Variants in GRM7 observed in about 807,000 individuals in gnomAD.
GRM7 encodes glutamate metabotropic receptor 7, also known as metabotropic glutamate receptor 7.
Under a neutral mutation model 84.5 loss-of-function variants are expected in GRM7, and 35 were observed. That is an observed-to-expected ratio of 0.41 (90% CI 0.32 to 0.55). The LOEUF is 0.55. Ranked by LOEUF, GRM7 falls within the 20% of genes least tolerant of loss-of-function variation. The pLI, the probability that GRM7 is intolerant of heterozygous loss-of-function variation, is 0.19. For missense variants in GRM7, 1,003 were observed against 1,194.6 expected (o/e 0.84, Z 2.36); for synonymous variants, 487 against 455.1 (o/e 1.07, Z -0.89).
At chr3:7,091,133 G>C (rs945987449) in intron 1 of GRM7, among the ~76,000 whole-genome samples, 8 of 151,414 alleles carry the variant, frequency 5.3e-5, no homozygotes, top group African/African-American at 1.7e-4. Flanking sequence ...AAATTCTTTA[G>C]CTCTGCAGAA....
intron 2 of GRM7, among the ~76,000 whole-genome samples, chr3:7,167,973 CAAAAAAAAAAAAAAAAAA>C (rs60681836): frequency 1.3e-4 from 7 of 54,610 alleles, no homozygotes; most frequent in South Asian, 1.2e-3. Flanking sequence ...GACTCTGTCT[CAAAAAAAAAAAAAAAAAA>C]AAAAAAAAAA....
chr3:7,400,353 A>G (rs1387998113), intron 4 of GRM7, among the ~76,000 whole-genome samples: 2 of 152,186 alleles, frequency 1.3e-5, no homozygotes, highest in African/African-American at 2.4e-5. Flanking sequence ...CCTCAAATGC[A>G]GCTATTATCA....
At chr3:7,193,186 G>GTTT (rs1559495357) in intron 2 of GRM7, among the ~76,000 whole-genome samples, 1 of 152,060 alleles carries the variant, frequency 6.6e-6, no homozygotes, top group African/African-American at 2.4e-5. Flanking sequence ...TTCTTTAAGG[G>GTTT]ATAAATGGGT....
chr3:7,309,198 C>G (rs571682312), intron 4 of GRM7, among the ~76,000 whole-genome samples: 2 of 152,228 alleles, frequency 1.3e-5, no homozygotes, highest in Admixed American at 6.5e-5. Context: ...TCGTAGCAGA[C>G]AGAACATTAA....
intron 1 of GRM7, among the ~76,000 whole-genome samples, chr3:7,117,239 C>T (rs1693066782): frequency 1.3e-5 from 2 of 152,130 alleles, no homozygotes; most frequent in South Asian, 2.1e-4. Context: ...ATTCCCACCA[C>T]CTCATGAGTC....
intron 1 of GRM7, among the ~76,000 whole-genome samples, chr3:6,867,519 G>T (rs1030538112): frequency 6.6e-6 from 1 of 152,066 alleles, no homozygotes; most frequent in Admixed American, 6.6e-5. Flanking sequence ...ATCTTTTGTT[G>T]ATATCCCCAG....
intron 4 of GRM7, among the ~76,000 whole-genome samples, chr3:7,360,869 CT>C (rs529630551): frequency 6.6e-6 from 1 of 152,178 alleles, no homozygotes; most frequent in Admixed American, 6.5e-5. Context: ...CCTTTATTCT[CT>C]TTTTTTCCTG....
In GRM7 at chr3:7,466,730, A is replaced by G. The variant is rs966808626; in HGVS notation, c.1515+5008A>G. Among the ~76,000 whole-genome samples, 3 of 152,216 alleles carry G rather than the reference A, an allele frequency of 2.0e-5. No homozygotes were observed. The East Asian group carries it at 5.8e-4, about 29-fold the overall frequency. On this transcript the variant is annotated intron_variant, in intron 7 of 9. Coordinates refer to ENST00000357716, the MANE Select transcript of GRM7 (RefSeq NM_000844.4). The stretch of plus-strand genomic sequence containing the variant: ...CTCTTAAATAGAAGACTGAATGAAT[A>G]TTATTTCCTCTTTTCTGGATAACTG...
At chr3:7,128,085 T>C (rs1693461321) in intron 1 of GRM7, among the ~76,000 whole-genome samples, 1 of 151,272 alleles carries the variant, frequency 6.6e-6, no homozygotes, top group Non-Finnish European at 1.5e-5. Context: ...GTATTATAGA[T>C]TACTCATAAT....
In GRM7 at chr3:7,068,229, C is replaced by A. The variant is rs1479083250; in HGVS notation, c.520-78223C>A. Reference sequence around the variant, plus strand: ...CCTTTCTAAATCACCAGTGGAACAACTGAGCAAAGGAAAAATGATAGCTAT... The same window carrying A: ...CCTTTCTAAATCACCAGTGGAACAAATGAGCAAAGGAAAAATGATAGCTAT... On this transcript the variant is annotated intron_variant, in intron 1 of 9. Transcript: ENST00000357716. Among the ~76,000 whole-genome samples the A allele has an allele frequency of 2.0e-5, 3 of 150,842 alleles. No individual in the cohort carries two copies. In the East Asian group the frequency reaches 5.9e-4, roughly 29 times the overall value.
At chr3:7,568,148 G>C (rs1384025575) in intron 7 of GRM7, among the ~76,000 whole-genome samples, 1 of 152,186 alleles carries the variant, frequency 6.6e-6, no homozygotes, top group Non-Finnish European at 1.5e-5. Context: ...CCTTGATGGG[G>C]CTCAGAACTT....
intron 1 of GRM7, among the ~76,000 whole-genome samples, chr3:7,072,716 G>A (rs976659489): frequency 2.0e-5 from 3 of 151,986 alleles, no homozygotes; most frequent in Non-Finnish European, 2.9e-5. Context: ...ATAAGATAAA[G>A]GTCTCACTTC....
At chr3:6,898,451 A>C (rs1019612388) in intron 1 of GRM7, among the ~76,000 whole-genome samples, 19 of 151,798 alleles carry the variant, frequency 1.3e-4, no homozygotes, top group Non-Finnish European at 2.6e-4. Context: ...GAAACAGTGA[A>C]TGTTCTGTGT....
chr3:7,086,166 T>A (rs1311074971), intron 1 of GRM7, among the ~76,000 whole-genome samples: 1 of 152,136 alleles, frequency 6.6e-6, no homozygotes, highest in African/African-American at 2.4e-5. Context: ...CTAGTTACGT[T>A]CACTGGAGCT....
intron 6 of GRM7, among the ~76,000 whole-genome samples, chr3:7,455,153 C>A (rs556515864): frequency 6.6e-6 from 1 of 152,164 alleles, no homozygotes; most frequent in East Asian, 1.9e-4. Context: ...AAATAAATAA[C>A]CATGAGTCCA....
chr3:7,660,028 A>G (rs1435671121), intron 8 of GRM7, among the ~76,000 whole-genome samples: 1 of 152,254 alleles, frequency 6.6e-6, no homozygotes, highest in Non-Finnish European at 1.5e-5. Flanking sequence ...CCAAGACAGA[A>G]TAGATGAAAA....
chr3:7,258,648 A>G (rs1698297688), intron 2 of GRM7, among the ~76,000 whole-genome samples: 1 of 152,244 alleles, frequency 6.6e-6, no homozygotes, highest in Non-Finnish European at 1.5e-5. Context: ...TAAACATTGT[A>G]TAAAGAAGAT....
chr3:7,057,404 A>G lies in GRM7; in HGVS notation c.520-89048A>G, dbSNP rs549836405. Among the ~76,000 whole-genome samples the G allele has an allele frequency of 5.9e-5, 9 of 152,046 alleles. 1 individual carries two copies. Among genetic ancestry groups the G allele is most frequent in the Admixed American group, 5.9e-4 (9 of 15,248 alleles). ...AATGCAATGGTTATCTCTAGGTTGT[A>G]AAAATATGAGACGTTTCAATTTTCA... On this transcript the variant is annotated intron_variant, in intron 1 of 9. Coordinates refer to ENST00000357716, the MANE Select transcript of GRM7 (RefSeq NM_000844.4).
intron 1 of GRM7, among the ~76,000 whole-genome samples, chr3:6,963,280 C>T (rs1230447754): frequency 6.6e-6 from 1 of 152,146 alleles, no homozygotes; most frequent in Non-Finnish European, 1.5e-5. Flanking sequence ...CTTTTATGGG[C>T]TGACATTTTG....
Sources: allele counts gnomAD v4.1 joint callset (sites outside exome capture counted in the v4.1 genomes callset), GRCh38; gene constraint gnomAD v4.1.1; transcripts MANE v1.5; gene names NCBI Gene and HGNC (gene_info 2026-07-23, HGNC 2026-07-21).